RADIL: variants seen among roughly 807,000 people sequenced by gnomAD.
The protein encoded by RADIL is ras-associating and dilute domain-containing protein.
RADIL carries 99 observed loss-of-function variants against 97.6 expected under a neutral mutation model. The ratio of observed to expected loss-of-function variants is 1.01; its 90% CI spans 0.86 to 1.20. The LOEUF is 1.20. RADIL is among the 50% of genes most tolerant of loss of function. The pLI is 0.00. For synonymous variants in RADIL, 803 were observed against 691.8 expected, an observed-to-expected ratio of 1.16 and a Z score of -2.52; for missense variants, 1,765 against 1,498.9, an observed-to-expected ratio of 1.18 and a Z score of -2.93.
At position 4,822,689 on chromosome 7, in the gene RADIL, G is replaced by A. The variant is rs1000927476; in HGVS notation, c.1455-135C>T. 7.8e-6 allele frequency: 8 copies of A among 1,030,834 alleles called. No homozygotes were observed. Among genetic ancestry groups the A allele is most frequent in the Non-Finnish European group, 1.1e-5 (8 of 723,442 alleles). The allele number at this position is 1,030,834 out of a possible 1,614,324, so 63.9% of individuals were successfully genotyped here. A position where few individuals can be genotyped will look rare whatever the true frequency, so the allele number is the denominator to read the frequency against. ...CTGCAACCATCAACCTGACACTGCT[G>A]GGCGGGGACGTTTAACAATACGTGT... is the stretch of plus-strand genomic sequence containing the variant. On this transcript the variant is annotated intron_variant, in intron 5 of 14. Coordinates refer to ENST00000399583, the MANE Select transcript of RADIL (RefSeq NM_018059.5). This position sits in a 1 kb window ranked among gnomAD's most constrained non-coding sequence, Gnocchi z 5.3.
chr7:4,861,834 G>GCACGTCCCTCACCACCGCGACCTT, intron 2 of RADIL: 2 of 1,268,420 alleles, frequency 1.6e-6, no homozygotes, highest in Non-Finnish European at 2.1e-6. Context: ...CCCCGCCAGG[G>GCACGTCCCTCACCACCGCGACCTT]CACGTCCCCC....
chr7:4,797,777 G>C lies in RADIL; in HGVS notation c.*1601C>G, dbSNP rs996148593. 2.6e-5 allele frequency: 4 copies of C among 152,150 alleles called. No individual in the cohort carries two copies. The highest frequency in any genetic ancestry group is 9.7e-5 in the African/African-American group (4 of 41,424). The allele number at this position is 152,150 out of a possible 1,614,324, so 9.4% of individuals were successfully genotyped here. ...CGGGCAGATCACTTGATGTCAGTTT[G>C]AAATCAGCCTGGCCAACGTGGTGAA... On this transcript the variant is annotated 3_prime_UTR_variant, in exon 15 of 15. Coordinates refer to ENST00000399583, the MANE Select transcript of RADIL (RefSeq NM_018059.5).
At position 4,835,108 on chromosome 7, in the gene RADIL, G is replaced by A; in HGVS notation, c.915C>T (p.Leu305=). The A allele has an allele frequency of 6.2e-7, 1 of 1,609,190 alleles. No homozygotes were observed. Among genetic ancestry groups the A allele is most frequent in the Non-Finnish European group, 8.5e-7 (1 of 1,178,186 alleles). The part of the protein sequence containing the change: ...PLHCTIRRQP[L]PDSGQAAGRL... ...TCCCCGCGGCCTGGCCGCTGTCCGG[G>A]AGCGGTTGCCGGCGGATGGTGCAGT... is the stretch of plus-strand genomic sequence containing the variant. The change falls in exon 4 of 15, where the codon CTC becomes CTT. Residue 305 remains leucine (L), a synonymous_variant. Transcript: ENST00000399583. The surrounding 1 kb of genome is among the most constrained non-coding windows in gnomAD (Gnocchi z 5.8).
rs1783280326 is a variant in RADIL at position 4,835,755 on chromosome 7, A to C, written c.784-516T>G. Among the ~76,000 whole-genome samples the C allele has an allele frequency of 6.6e-6, 1 of 151,826 alleles. No homozygotes were observed. The highest frequency in any genetic ancestry group is 2.4e-5 in the African/African-American group (1 of 41,390). ...AATGAGCAGCAAAGGAGCTGGCTGC[A>C]CAGGAGGGCGGGGGTAGGGTGAGCA... On this transcript the variant is annotated intron_variant, in intron 3 of 14. Coordinates refer to ENST00000399583, the MANE Select transcript of RADIL (RefSeq NM_018059.5). The surrounding 1 kb of genome is among the most constrained non-coding windows in gnomAD (Gnocchi z 5.8).
chr7:4,825,573 GAA>G (rs918790266), intron 5 of RADIL, among the ~76,000 whole-genome samples: 1 of 152,130 alleles, frequency 6.6e-6, no homozygotes, highest in African/African-American at 2.4e-5. Context: ...AAGAAAAAAG[GAA>G]AGAGAGAGAG....
At chr7:4,846,687 A>G (rs1783583628) in intron 2 of RADIL, among the ~76,000 whole-genome samples, 1 of 151,530 alleles carries the variant, frequency 6.6e-6, no homozygotes, top group Admixed American at 6.6e-5. Flanking sequence ...CTGGGATTAC[A>G]GGTGTGTGCC....
Position 4,797,292 on chromosome 7 carries a change from TC to T in RADIL, c.*2085del, listed in dbSNP as rs1208999890. 1 of 152,284 alleles carries T rather than the reference TC, an allele frequency of 6.6e-6. No individual in the cohort carries two copies. Among genetic ancestry groups the T allele is most frequent in the Non-Finnish European group, 1.5e-5 (1 of 68,060 alleles). 9.4% of individuals were successfully genotyped at this position (152,284 alleles called of 1,614,324 possible). A position where few individuals can be genotyped will look rare whatever the true frequency, so the allele number is the denominator to read the frequency against. ...CTTGGGGTGATGCCAAGAGCTTCTT[TC>T]CATGGATGCTGAGTTCCAGGAGCAT... is the stretch of plus-strand genomic sequence containing the variant. On this transcript the variant is annotated 3_prime_UTR_variant, in exon 15 of 15. Coordinates refer to ENST00000399583, the MANE Select transcript of RADIL (RefSeq NM_018059.5).
chr7:4,859,799 T>C lies in RADIL; in HGVS notation c.535+17806A>G, dbSNP rs1783928490. The C allele has an allele frequency of 7.0e-6, 5 of 710,232 alleles. No individual in the cohort carries two copies. The South Asian group carries it at 7.6e-5, about 11-fold the overall frequency. The allele number at this position is 710,232 out of a possible 1,614,324, so 44.0% of individuals were successfully genotyped here. Reference sequence around the variant, plus strand: ...GAAGATGCTGTCTGAATTTTTCTAATGGAGTTGTACTTGTCTTTGTATTGA... The same window carrying C: ...GAAGATGCTGTCTGAATTTTTCTAACGGAGTTGTACTTGTCTTTGTATTGA... On this transcript the variant is annotated intron_variant, in intron 2 of 14. Transcript: ENST00000399583.
intron 6 of RADIL, among the ~76,000 whole-genome samples, chr7:4,820,276 G>A (rs1782794987): frequency 6.6e-6 from 1 of 152,244 alleles, no homozygotes; most frequent in South Asian, 2.1e-4. Flanking sequence ...AGTCAGGTCT[G>A]CAGGGAGAGG....
At chr7:4,800,108 T>G (rs1481590890) in intron 13 of RADIL, 63 bp downstream of exon 13, 1 of 1,551,456 alleles carries the variant, frequency 6.4e-7, no homozygotes, top group Middle Eastern at 1.8e-4. Flanking sequence ...CGGCCAGGCT[T>G]GCATGAACAG....
At chr7:4,876,126 C>A (rs536389148) in intron 2 of RADIL, among the ~76,000 whole-genome samples, 7 of 151,926 alleles carry the variant, frequency 4.6e-5, no homozygotes, top group Admixed American at 2.0e-4. Context: ...GGAGCTGGGA[C>A]CATAGGTATG....
At chr7:4,874,890 T>C (rs1405988453) in intron 2 of RADIL, among the ~76,000 whole-genome samples, 1 of 151,864 alleles carries the variant, frequency 6.6e-6, no homozygotes, top group African/African-American at 2.4e-5. Flanking sequence ...AAACCCCATC[T>C]CTACTAAAAA....
rs1038158971 is a variant in RADIL at position 4,837,216 on chromosome 7, C to G, written c.536-611G>C. On this transcript the variant is annotated intron_variant, in intron 2 of 14. Transcript: ENST00000399583. The surrounding 1 kb of genome is among the most constrained non-coding windows in gnomAD (Gnocchi z 5.6). ...CCCCTGCAGCAGCCCAGGGTCACAC[C>G]GCGGCCTGCCCGACCAGCCAGCACC... 1.3e-5 allele frequency among the ~76,000 whole-genome samples: 2 copies of G among 152,160 alleles called. No individual in the cohort carries two copies. The highest frequency in any genetic ancestry group is 4.8e-5 in the African/African-American group (2 of 41,456).
At chr7:4,810,681 T>C (rs1024137697) in intron 9 of RADIL, among the ~76,000 whole-genome samples, 1 of 152,236 alleles carries the variant, frequency 6.6e-6, no homozygotes, top group Non-Finnish European at 1.5e-5. Context: ...TCGGAGCACA[T>C]GCACTCGGTC....
Position 4,835,603 on chromosome 7 carries a change from T to C in RADIL, c.784-364A>G, listed in dbSNP as rs113507033. Reference sequence around the variant, plus strand: ...CATCCCCAAAACTGTGTGGGAGCACTGCCGCCTGTGTGGGAGCACCACCCC... The same window carrying C: ...CATCCCCAAAACTGTGTGGGAGCACCGCCGCCTGTGTGGGAGCACCACCCC... On this transcript the variant is annotated intron_variant, in intron 3 of 14. Transcript: ENST00000399583. The surrounding 1 kb of genome is among the most constrained non-coding windows in gnomAD (Gnocchi z 5.8). Among the ~76,000 whole-genome samples the C allele has an allele frequency of 3.9e-5, 6 of 151,976 alleles. No individual in the cohort carries two copies. Among genetic ancestry groups the C allele is most frequent in the Admixed American group, 1.3e-4 (2 of 15,268 alleles).
intron 2 of RADIL, chr7:4,860,744 T>C (rs777396602): frequency 8.1e-6 from 13 of 1,614,054 alleles, no homozygotes; most frequent in Non-Finnish European, 1.1e-5. Context: ...CCACTCTGCC[T>C]TACTTAGCAA....
chr7:4,823,573 G>A (rs907842052), intron 5 of RADIL, among the ~76,000 whole-genome samples: 1 of 152,154 alleles, frequency 6.6e-6, no homozygotes, highest in Non-Finnish European at 1.5e-5. Flanking sequence ...TTGGGGGGGC[G>A]CCCTTCCCTC....
chr7:4,873,549 TGGACC>T lies in RADIL; in HGVS notation c.535+4051_535+4055del, dbSNP rs1784302258. On this transcript the variant is annotated intron_variant, in intron 2 of 14. Coordinates refer to ENST00000399583, the MANE Select transcript of RADIL (RefSeq NM_018059.5). This position sits in a 1 kb window ranked among gnomAD's most constrained non-coding sequence, Gnocchi z 4.3. ...GAGCTGAAGGGGCCCTGGCGTGCGC[TGGACC>T]TCACTGGGCCTGCCCTGCAGGGGCA... is the stretch of plus-strand genomic sequence containing the variant. 6.6e-6 allele frequency among the ~76,000 whole-genome samples: 1 copy of T among 152,234 alleles called. No individual in the cohort carries two copies. Among genetic ancestry groups the T allele is most frequent in the Admixed American group, 6.5e-5 (1 of 15,284 alleles).
chr7:4,860,854 T>C (rs1423862988), intron 2 of RADIL: 5 of 1,614,136 alleles, frequency 3.1e-6, no homozygotes, highest in Admixed American at 1.7e-5. Context: ...GTGGGTATGC[T>C]GGTGTGATGA....
Sources: allele counts gnomAD v4.1 joint callset (sites outside exome capture counted in the v4.1 genomes callset), GRCh38; gene constraint gnomAD v4.1.1; non-coding constraint Gnocchi (gnomAD v3.1); transcripts MANE v1.5; gene names NCBI Gene and HGNC (gene_info 2026-07-23, HGNC 2026-07-21).